The following AHNAK2 variants were observed in gnomAD, a reference collection of about 807,000 sequenced individuals.
The protein encoded by AHNAK2 is protein AHNAK2.
A neutral mutation model predicts 30.7 loss-of-function variants in AHNAK2; 18 were observed. The ratio of observed to expected loss-of-function variants is 0.59; its 90% CI spans 0.41 to 0.87. The LOEUF (loss-of-function observed/expected upper bound fraction) is 0.87, where lower values mean the gene tolerates loss of function less well. AHNAK2 is among the 40% of genes least tolerant of loss of function. The pLI, the probability that AHNAK2 is intolerant of heterozygous loss-of-function variation, is 0.00. For missense variants in AHNAK2, 8,604 were observed against 7,373.0 expected (o/e 1.17, Z -6.11); for synonymous variants, 3,590 against 3,073.8 (o/e 1.17, Z -5.56).
rs757517026 is a variant in AHNAK2, at chr14:104,948,278, C to G, written c.7173G>C (p.Val2391=). The G allele has an allele frequency of 2.5e-6, 4 of 1,612,244 alleles. No homozygotes were observed. Among genetic ancestry groups the G allele is most frequent in the Non-Finnish European group, 3.4e-6 (4 of 1,179,494 alleles). The change falls in exon 7 of 7, where the codon GTG becomes GTC. Residue 2391 remains valine (V), a synonymous_variant. Transcript: ENST00000333244. The stretch of plus-strand genomic sequence containing the variant: ...GCCCTTTGAGGCCGGCTCCCTCCGG[C>G]ACGGGGCCCTCTGGGAGTTTCACAT... The part of the protein sequence containing the change: ...QVDVKLPEGP[V]PEGAGLKGHL...
In AHNAK2 at chr14:104,954,873, G is replaced by A; in HGVS notation, c.652-74C>T. ...GGGCCCTGGCCCAGGGACAGATGGA[G>A]TGGGAGTGCTATCCCCTCCCAGGCT... On this transcript the variant is annotated intron_variant, in intron 6 of 6. Coordinates refer to ENST00000333244, the MANE Select transcript of AHNAK2 (RefSeq NM_138420.4). The surrounding 1 kb of genome is among the most constrained non-coding windows in gnomAD (Gnocchi z 4.3). The A allele has an allele frequency of 6.5e-7, 1 of 1,543,500 alleles. No individual in the cohort carries two copies. The highest frequency in any genetic ancestry group is 1.2e-5 in the South Asian group (1 of 80,662).
Position 104,945,374 on chromosome 14 carries a change from C to T in AHNAK2, c.10077G>A (p.Gln3359=). Residue 3359 remains glutamine, a synonymous_variant, in exon 7 of 7, where the codon CAG becomes CAA. Transcript: ENST00000333244. ...GGACCTCCAGGTCCACAGAAGGGAG[C>T]TGAATGCTGAGGTCAGTGGTCTTGA... is the stretch of plus-strand genomic sequence containing the variant. The part of the protein sequence containing the change: ...GDLKTTDLSI[Q]LPSVDLEVQA... 1 of 1,612,694 alleles carries T rather than the reference C, an allele frequency of 6.2e-7. No homozygotes were observed. Among genetic ancestry groups the T allele is most frequent in the Non-Finnish European group, 8.5e-7 (1 of 1,179,468 alleles).
rs114344013 is a variant in AHNAK2 at position 104,955,060 on chromosome 14, G to A, written c.548C>T (p.Pro183Leu). ...TCTGATTTTGAACTGAACCTTGTAC[G>A]GCTCTGAATATTGAAGGATTTTGAG... ...DALKILQYSE[P>L]YKVQFKIRRQ... The change falls in exon 6 of 7, where the codon CCG becomes CTG. Residue 183 changes from proline to leucine, a missense_variant. Pro to Leu is a moderately conservative substitution (Grantham distance 98). Transcript: ENST00000333244. 4.3e-6 allele frequency: 7 copies of A among 1,613,648 alleles called. No homozygotes were observed. The highest frequency in any genetic ancestry group is 2.7e-5 in the African/African-American group (2 of 75,068).
Position 104,943,134 on chromosome 14 carries a change from G to C in AHNAK2, c.12317C>G (p.Pro4106Arg), listed in dbSNP as rs759575828. The change falls in exon 7 of 7, where the codon CCG becomes CGG. Residue 4106 changes from proline (P) to arginine (R), a missense_variant. Pro to Arg is a moderately radical substitution (Grantham distance 103). Coordinates refer to ENST00000333244, the MANE Select transcript of AHNAK2 (RefSeq NM_138420.4). ...LSSMEVDVQA[P>R]RAKLDGVQLE... is the part of the protein sequence containing the mutation. ...CTGCACACCATCCAGCTTTGCTCTC[G>C]GGGCCTGGACGTCCACCTCCATGCT... The C allele has an allele frequency of 8.1e-6, 13 of 1,613,310 alleles. No individual in the cohort carries two copies. Among genetic ancestry groups the C allele is most frequent in the Non-Finnish European group, 1.0e-5 (12 of 1,179,652 alleles).
At chr14:104,959,218 G>A (rs1595427238) in intron 1 of AHNAK2, among the ~76,000 whole-genome samples, 2 of 152,140 alleles carry the variant, frequency 1.3e-5, no homozygotes, top group East Asian at 3.9e-4. Flanking sequence ...TGTCACCCAG[G>A]ATGAAGTGCA....
Position 104,954,535 on chromosome 14 carries a change from C to T in AHNAK2, c.916G>A (p.Val306Met). ...TSTDTEAQLT[V>M]ERQEQKAGPG... ...CCTGCCTTCTGCTCTTGGCGCTCCA[C>T]CGTGAGCTGGGCCTCTGTGTCTGTG... The change falls in exon 7 of 7, where the codon GTG becomes ATG. Residue 306 changes from valine (V) to methionine (M), a missense_variant. Val to Met is a conservative substitution (Grantham distance 21). Transcript: ENST00000333244. This position sits in a 1 kb window ranked among gnomAD's most constrained non-coding sequence, Gnocchi z 4.3. The T allele has an allele frequency of 1.2e-6, 2 of 1,610,706 alleles. No homozygotes were observed. Among genetic ancestry groups the T allele is most frequent in the Non-Finnish European group, 1.7e-6 (2 of 1,178,892 alleles).
Position 104,943,378 on chromosome 14 carries a change from G to A in AHNAK2, c.12073C>T (p.Leu4025=). ...DLSVQPPSAD[L]EVQAGQVDVK... is the part of the protein sequence containing the mutation. ...TCCACTTGGCCAGCCTGGACCTCCAGGTCAGCGGAAGGGGGCTGAACGCTG... is the reference window on the plus strand; with the variant it reads ...TCCACTTGGCCAGCCTGGACCTCCAAGTCAGCGGAAGGGGGCTGAACGCTG... Residue 4025 remains leucine, a synonymous_variant, in exon 7 of 7, where the codon CTG becomes TTG. Transcript: ENST00000333244. The A allele has an allele frequency of 5.0e-6, 8 of 1,613,096 alleles. No homozygotes were observed. Among genetic ancestry groups the A allele is most frequent in the Non-Finnish European group, 5.9e-6 (7 of 1,179,636 alleles).
chr14:104,956,637 T>C lies in AHNAK2; in HGVS notation c.266A>G (p.Lys89Arg). The change falls in exon 4 of 7, where the codon AAG (lysine) becomes AGG (arginine). Residue 89 changes from lysine (K) to arginine (R), a missense_variant. Lys to Arg is a conservative substitution (Grantham distance 26). Transcript: ENST00000333244. ...GSAGRRRSWWKRDSGDSRTFF... is the reference protein window; with the variant it reads ...GSAGRRRSWWRRDSGDSRTFF... ...TGTCCGTGAGTCCCCTGAATCTCGC[T>C]TCCACCAGGATCTCCGTCTCCCAGC... 6.2e-7 allele frequency: 1 copy of C among 1,613,894 alleles called. No individual in the cohort carries two copies. The highest frequency in any genetic ancestry group is 8.5e-7 in the Non-Finnish European group (1 of 1,179,846).
Position 104,953,546 on chromosome 14 carries a change from G to C in AHNAK2, c.1905C>G (p.Asp635Glu). 3.1e-6 allele frequency: 5 copies of C among 1,613,998 alleles called. No individual in the cohort carries two copies. Among genetic ancestry groups the C allele is most frequent in the Non-Finnish European group, 4.2e-6 (5 of 1,179,894 alleles). Residue 635 changes from aspartate (D) to glutamate (E), a missense_variant, in exon 7 of 7, where the codon GAC (aspartate) becomes GAG (glutamate). Transcript: ENST00000333244. Reference protein sequence around the residue: ...EQRRTEEGLKDKEDSDSMTNT... With the variant: ...EQRRTEEGLKEKEDSDSMTNT... ...TTGTCATTGAGTCACTGTCTTCTTT[G>C]TCTTTTAATCCTTCCTCTGTGCGTC... is the stretch of plus-strand genomic sequence containing the variant.
chr14:104,949,372 T>G lies in AHNAK2; in HGVS notation c.6079A>C (p.Met2027Leu). ...TCAGTGGTCTTCAGGTCCCCCTGCA[T>G]GGAGGGGAGACTCACGTCGGCCTCC... Reference protein sequence around the residue: ...KVEADVSLPSMQGDLKTTDLS... With the variant: ...KVEADVSLPSLQGDLKTTDLS... Residue 2027 changes from methionine (M) to leucine (L), a missense_variant, in exon 7 of 7, where the codon ATG (methionine) becomes CTG (leucine). Met to Leu is a conservative substitution (Grantham distance 15). Transcript: ENST00000333244. The G allele has an allele frequency of 1.9e-6, 3 of 1,577,986 alleles. No homozygotes were observed. The highest frequency in any genetic ancestry group is 1.7e-6 in the Non-Finnish European group (2 of 1,156,568).
rs1898646766 is a variant in AHNAK2, at chr14:104,950,758, G to T, written c.4693C>A (p.Pro1565Thr). ...TTGAGGCCGGCTCCCTCGGACACAG[G>T]GCCCTCTGGGAGTTTCACGTCCACT... ...GQVDVKLPEG[P>T]VSEGAGLKGH... The change falls in exon 7 of 7, where the codon CCT (proline) becomes ACT (threonine). Residue 1565 changes from proline (P) to threonine (T), a missense_variant. Transcript: ENST00000333244. 6.3e-7 allele frequency: 1 copy of T among 1,587,334 alleles called. No homozygotes were observed. Among genetic ancestry groups the T allele is most frequent in the South Asian group, 1.1e-5 (1 of 89,782 alleles).
chr14:104,943,898 GAGGTC>G lies in AHNAK2; in HGVS notation c.11548_11552del (p.Asp3850GlnfsTer54). Reference sequence around the variant, plus strand: ...GGTCGGCAGAATGGGGCTGAATGCTGAGGTCAGTGGTCTTGAGGTCCCCCTGCATG... The same window carrying G: ...GGTCGGCAGAATGGGGCTGAATGCTGAGTGGTCTTGAGGTCCCCCTGCATG... On this transcript the variant is annotated frameshift_variant, in exon 7 of 7. Coordinates refer to ENST00000333244, the MANE Select transcript of AHNAK2 (RefSeq NM_138420.4). LOFTEE classifies it low-confidence loss of function (END_TRUNC). 1 of 1,613,214 alleles carries G rather than the reference GAGGTC, an allele frequency of 6.2e-7. No individual in the cohort carries two copies. Among genetic ancestry groups the G allele is most frequent in the Non-Finnish European group, 8.5e-7 (1 of 1,179,614 alleles).
chr14:104,960,143 A>C (rs1171918436), intron 1 of AHNAK2, among the ~76,000 whole-genome samples: 1 of 152,240 alleles, frequency 6.6e-6, no homozygotes, highest in East Asian at 1.9e-4. Context: ...TATATAAGGC[A>C]ACAATTCTAA....
chr14:104,973,400 C>T (rs550821570), intron 1 of AHNAK2, among the ~76,000 whole-genome samples: 14 of 152,268 alleles, frequency 9.2e-5, no homozygotes, highest in African/African-American at 7.2e-5. Context: ...CCAAGGAGCC[C>T]GCGGTGCTGG....
At position 104,950,267 on chromosome 14, in the gene AHNAK2, C is replaced by A. The variant is rs781573557; in HGVS notation, c.5184G>T (p.Glu1728Asp). 8 of 1,585,544 alleles carry A rather than the reference C, an allele frequency of 5.0e-6. 1 individual carries two copies. The highest frequency in any genetic ancestry group is 6.9e-6 in the Non-Finnish European group (8 of 1,162,814). The change falls in exon 7 of 7, where the codon GAG becomes GAT. Residue 1728 changes from glutamate to aspartate, a missense_variant. Coordinates refer to ENST00000333244, the MANE Select transcript of AHNAK2 (RefSeq NM_138420.4). ...QAGQVNVKLP[E>D]GPLPEGAGFK... is the part of the protein sequence containing the mutation. ...AGCCGGCTCCCTCGGGAAGGGGGCCCTCCGGGAGTTTCACGTTCACTTGGC... is the reference window on the plus strand; with the variant it reads ...AGCCGGCTCCCTCGGGAAGGGGGCCATCCGGGAGTTTCACGTTCACTTGGC...
intron 1 of AHNAK2, among the ~76,000 whole-genome samples, chr14:104,968,541 T>C (rs1233726304): frequency 6.6e-6 from 1 of 152,086 alleles, no homozygotes; most frequent in Non-Finnish European, 1.5e-5. Context: ...TCTTGGAGGG[T>C]CCAGAACAGG....
Position 104,944,494 on chromosome 14 carries a change from G to A in AHNAK2, c.10957C>T (p.Pro3653Ser), listed in dbSNP as rs1272143240. The change falls in exon 7 of 7, where the codon CCA becomes TCA. Residue 3653 changes from proline to serine, a missense_variant. Physicochemically the swap from Pro to Ser is moderately conservative, Grantham distance 74. Coordinates refer to ENST00000333244, the MANE Select transcript of AHNAK2 (RefSeq NM_138420.4). ...FKMPSFRVSA[P>S]GKSMEASVDV... ...ACCGAGGCCTCCATGGACTTCCCTGGGGCCGATACCCTGAATGACGGCATC... is the reference window on the plus strand; with the variant it reads ...ACCGAGGCCTCCATGGACTTCCCTGAGGCCGATACCCTGAATGACGGCATC... The A allele has an allele frequency of 6.2e-7, 1 of 1,612,874 alleles. No homozygotes were observed. The highest frequency in any genetic ancestry group is 8.5e-7 in the Non-Finnish European group (1 of 1,179,566).
intron 1 of AHNAK2, among the ~76,000 whole-genome samples, chr14:104,967,955 G>A (rs74809562): frequency 2.0e-5 from 3 of 152,160 alleles, no homozygotes; most frequent in Non-Finnish European, 4.4e-5. Flanking sequence ...TTGCCCGCCC[G>A]GCCTCCGGTT....
rs764961647 is a variant in AHNAK2, at chr14:104,942,871, C to T, written c.12580G>A (p.Ala4194Thr). The change falls in exon 7 of 7, where the codon GCT becomes ACT. Residue 4194 changes from alanine to threonine, a missense_variant. Transcript: ENST00000333244. ...GGGAGTTTCACGTCCACTTGGCCAGCCTGGACCTCCAGGTCGGCGGAAGGG... is the reference window on the plus strand; with the variant it reads ...GGGAGTTTCACGTCCACTTGGCCAGTCTGGACCTCCAGGTCGGCGGAAGGG... ...QSPSADLEVQ[A>T]GQVDVKLPEG... The T allele has an allele frequency of 1.2e-6, 2 of 1,612,800 alleles. No homozygotes were observed. Among genetic ancestry groups the T allele is most frequent in the Middle Eastern group, 1.7e-4 (1 of 6,050 alleles).
Sources: gnomAD v4.1 joint callset for allele counts (sites outside exome capture counted in the v4.1 genomes callset) on GRCh38, gnomAD v4.1.1 for gene constraint, Gnocchi (gnomAD v3.1) non-coding constraint, MANE v1.5 for transcripts, NCBI Gene and HGNC (gene_info 2026-07-23, HGNC 2026-07-21) for gene names.